Variants in MYRF observed in about 807,000 individuals in gnomAD.
The protein encoded by MYRF is myelin regulatory factor, also known as myelin gene regulatory factor.
A neutral mutation model predicts 126.3 loss-of-function variants in MYRF; 16 were observed. That is an observed-to-expected ratio of 0.13 (90% confidence interval 0.09 to 0.19). The LOEUF (loss-of-function observed/expected upper bound fraction) is 0.19. MYRF is among the 10% of genes least tolerant of loss of function. The probability of loss-of-function intolerance (pLI) is 1.00; values close to 1 mark genes in which losing one functional copy is unlikely to be tolerated. For missense variants in MYRF, 1,104 were observed against 1,547.0 expected (o/e 0.71, Z 4.80); for synonymous variants, 608 against 635.3 (o/e 0.96, Z 0.65).
chr11:61,756,958 C>G (rs2065775417), intron 1 of MYRF: 1 of 356,600 alleles, frequency 2.8e-6, no homozygotes, highest in African/African-American at 2.1e-5. Flanking sequence ...GGGTAACAGC[C>G]CAGCAGAGCT....
At position 61,766,112 on chromosome 11, in the gene MYRF, A is replaced by C; in HGVS notation, c.289A>C (p.Thr97Pro). ...TCCCCTCCCACCCCCGGGCTACGGC[A>C]CCCCGCTGAACTGCAACAACAACAA... ...HGPLPPPGYG[T>P]PLNCNNNNGM... The change falls in exon 3 of 27, where the codon ACC becomes CCC. Residue 97 changes from threonine (T) to proline (P), a missense_variant. Coordinates refer to ENST00000278836, the MANE Select transcript of MYRF (RefSeq NM_001127392.3). The C allele has an allele frequency of 6.2e-7, 1 of 1,608,448 alleles. No individual in the cohort carries two copies. Among genetic ancestry groups the C allele is most frequent in the Non-Finnish European group, 8.5e-7 (1 of 1,179,272 alleles).
intron 7 of MYRF, 60 bp from the exon 8 acceptor site, chr11:61,773,907 A>G (rs1304675218): frequency 2.1e-6 from 3 of 1,459,962 alleles, no homozygotes; most frequent in Non-Finnish European, 2.8e-6. Context: ...AGGTAGGAGG[A>G]ACCGATGTTC....
At position 61,776,500 on chromosome 11, in the gene MYRF, G is replaced by A; in HGVS notation, c.1499+68G>A. On this transcript the variant is annotated intron_variant, in intron 10 of 26. Transcript: ENST00000278836. This position sits in a 1 kb window ranked among gnomAD's most constrained non-coding sequence, Gnocchi z 4.3. ...AGGCAGGAAGACACTGCCCTGGGTG[G>A]CACACCAGGCACAGAGTCCTACAGG... The A allele has an allele frequency of 7.7e-7, 1 of 1,302,334 alleles. No homozygotes were observed. Among genetic ancestry groups the A allele is most frequent in the African/African-American group, 1.5e-5 (1 of 68,450 alleles). 80.7% of individuals were successfully genotyped at this position (1,302,334 alleles called of 1,614,324 possible). A position where few individuals can be genotyped will look rare whatever the true frequency, so the allele number is the denominator to read the frequency against.
At position 61,786,342 on chromosome 11, in the gene MYRF, C is replaced by T. The variant is rs2066695100; in HGVS notation, c.*199C>T. 1 of 610,680 alleles carries T rather than the reference C, an allele frequency of 1.6e-6. No homozygotes were observed. The highest frequency in any genetic ancestry group is 2.9e-6 in the Non-Finnish European group (1 of 344,940). The allele number at this position is 610,680 out of a possible 1,614,324, so 37.8% of individuals were successfully genotyped here. On this transcript the variant is annotated 3_prime_UTR_variant, in exon 27 of 27. Coordinates refer to ENST00000278836, the MANE Select transcript of MYRF (RefSeq NM_001127392.3). This position sits in a 1 kb window ranked among gnomAD's most constrained non-coding sequence, Gnocchi z 4.5. ...GTCGCCCCTCACGGCACAGAGGGAA[C>T]CTGAGAGCCAGAGACTTCTTGGGCC...
At chr11:61,768,190 G>T (rs1565288085) in intron 3 of MYRF, among the ~76,000 whole-genome samples, 1 of 152,054 alleles carries the variant, frequency 6.6e-6, no homozygotes, top group Non-Finnish European at 1.5e-5. Context: ...AAGCCTAACT[G>T]GGGAGAGGTA....
chr11:61,777,796 G>A lies in MYRF; in HGVS notation c.1854G>A (p.Lys618=), dbSNP rs761074316. 1 of 1,552,464 alleles carries A rather than the reference G, an allele frequency of 6.4e-7. No individual in the cohort carries two copies. The highest frequency in any genetic ancestry group is 1.2e-5 in the South Asian group (1 of 84,134). ...SRMRLVHYRY[K]PEFAASAGIE... is the part of the protein sequence containing the mutation. ...TGCGGCTGGTGCACTACAGATACAA[G>A]CCCGAGTTCGCCGCCAGCGCGGGCA... Residue 618 remains lysine (K), a synonymous_variant, in exon 13 of 27, where the codon AAG becomes AAA. Transcript: ENST00000278836. The surrounding 1 kb of genome is among the most constrained non-coding windows in gnomAD (Gnocchi z 8.8).
intron 25 of MYRF, 108 bp from the exon 26 acceptor site, chr11:61,785,692 C>G (rs1452914700): frequency 1.2e-6 from 1 of 843,784 alleles, no homozygotes; most frequent in Non-Finnish European, 1.9e-6. Context: ...CTGCTTTTTT[C>G]CTTCATAAAA....
At position 61,779,794 on chromosome 11, in the gene MYRF, C is replaced by T. The variant is rs748520737; in HGVS notation, c.2248-48C>T. On this transcript the variant is annotated intron_variant, in intron 16 of 26. Transcript: ENST00000278836. ...CTCCAGCAGAGCCCACTGGGGACAG[C>T]CTCAGCCTGGCCCTCTTTGCATTTG... 11 of 1,555,672 alleles carry T rather than the reference C, an allele frequency of 7.1e-6. No individual in the cohort carries two copies. In the Admixed American group the frequency reaches 1.5e-4, roughly 22 times the overall value.
intron 24 of MYRF, 109 bp downstream of exon 24, chr11:61,784,034 C>T (rs1261456703): frequency 2.3e-6 from 3 of 1,324,902 alleles, no homozygotes; most frequent in Non-Finnish European, 1.1e-6. Flanking sequence ...TCTGGTATTT[C>T]CTGCATGGTG....
intron 1 of MYRF, among the ~76,000 whole-genome samples, chr11:61,764,725 C>T (rs927214215): frequency 3.9e-5 from 6 of 152,180 alleles, no homozygotes; most frequent in Non-Finnish European, 8.8e-5. Flanking sequence ...GGGGAAAGGC[C>T]GGCACCTCCC....
chr11:61,755,395 G>A, intron 1 of MYRF: 1 of 1,603,492 alleles, frequency 6.2e-7, no homozygotes, highest in Non-Finnish European at 8.5e-7. Flanking sequence ...CGGGCACAGG[G>A]CCTGCAGAGA....
intron 25 of MYRF, 140 bp downstream of exon 25, chr11:61,784,525 G>T: frequency 1.5e-6 from 1 of 675,982 alleles, no homozygotes; most frequent in Non-Finnish European, 2.5e-6. Context: ...TCTGGGGCCT[G>T]GGCCTCTGTG....
At chr11:61,782,794 G>A (rs1001746749) in intron 22 of MYRF, 1 of 152,280 alleles carries the variant, frequency 6.6e-6, no homozygotes, top group Non-Finnish European at 1.5e-5. Flanking sequence ...TCTGATACCT[G>A]TCCTGACCAC....
At chr11:61,756,271 C>T (rs1050485310) in intron 1 of MYRF, among the ~76,000 whole-genome samples, 1 of 152,036 alleles carries the variant, frequency 6.6e-6, no homozygotes, top group African/African-American at 2.4e-5. Context: ...GACACCTAGC[C>T]CCCAGCTCCC....
In MYRF at chr11:61,777,766, G is replaced by C. The variant is rs1474003610; in HGVS notation, c.1824G>C (p.Ser608=). 1 of 1,551,862 alleles carries C rather than the reference G, an allele frequency of 6.4e-7. No individual in the cohort carries two copies. The highest frequency in any genetic ancestry group is 1.4e-5 in the African/African-American group (1 of 73,036). ...VDTTEQLKRI[S]RMRLVHYRYK... ...CCACCGAGCAATTGAAGAGGATCTCGCGCATGCGGCTGGTGCACTACAGAT... is the reference window on the plus strand; with the variant it reads ...CCACCGAGCAATTGAAGAGGATCTCCCGCATGCGGCTGGTGCACTACAGAT... Residue 608 remains serine, a synonymous_variant, in exon 13 of 27, where the codon TCG becomes TCC. Transcript: ENST00000278836. The surrounding 1 kb of genome is among the most constrained non-coding windows in gnomAD (Gnocchi z 8.8).
intron 1 of MYRF, among the ~76,000 whole-genome samples, chr11:61,754,895 G>A (rs2065703798): frequency 6.6e-6 from 1 of 152,230 alleles, no homozygotes; most frequent in South Asian, 2.1e-4. Flanking sequence ...CCATGTGGGG[G>A]ACCCACTGTA....
rs760794578 is a variant in MYRF, at chr11:61,781,785, G to A, written c.2977G>A (p.Val993Met). The A allele has an allele frequency of 8.1e-6, 13 of 1,602,774 alleles. No homozygotes were observed. Among genetic ancestry groups the A allele is most frequent in the Non-Finnish European group, 1.1e-5 (13 of 1,175,586 alleles). Reference sequence around the variant, plus strand: ...CCGCCGAGGGGCCCTCCAGTCCAGCGTGGGCCCTGCTGAGCCCACCTGGGC... The same window carrying A: ...CCGCCGAGGGGCCCTCCAGTCCAGCATGGGCCCTGCTGAGCCCACCTGGGC... The part of the protein sequence containing the change: ...RARRGALQSS[V>M]GPAEPTWAQG... The change falls in exon 22 of 27, where the codon GTG becomes ATG. Residue 993 changes from valine (V) to methionine (M), a missense_variant. Val to Met is a conservative substitution (Grantham distance 21). This residue lies in a region of MYRF where 323 missense variants were observed against 383.1 expected (regional missense o/e 0.84). Coordinates refer to ENST00000278836, the MANE Select transcript of MYRF (RefSeq NM_001127392.3).
intron 3 of MYRF, chr11:61,766,826 C>T (rs2066074842): frequency 5.7e-6 from 2 of 349,282 alleles, no homozygotes. Context: ...TCCCGGGGCA[C>T]ATGCTCACAG....
chr11:61,752,832 G>T, intron 1 of MYRF, 42 bp downstream of exon 1: 1 of 1,476,638 alleles, frequency 6.8e-7, no homozygotes. Context: ...TCTGGCGCTG[G>T]GAACCCCCGG....
Sources: gnomAD v4.1 joint callset for allele counts (sites outside exome capture counted in the v4.1 genomes callset) on GRCh38, gnomAD v4.1.1 for gene constraint, gnomAD v4.1.1 regional missense constraint, Gnocchi (gnomAD v3.1) non-coding constraint, MANE v1.5 for transcripts, NCBI Gene and HGNC (gene_info 2026-07-23, HGNC 2026-07-21) for gene names.